The following EIF2B2 variants were observed in gnomAD, a reference collection of about 807,000 sequenced individuals.
EIF2B2 encodes eukaryotic translation initiation factor 2B subunit beta, also known as translation initiation factor eIF2B subunit beta.
A neutral mutation model predicts 34.7 loss-of-function variants in EIF2B2; 34 were observed. The observed-to-expected ratio is 0.98, with a 90% CI of 0.75 to 1.31. The LOEUF is 1.31. EIF2B2 is among the 50% of genes most tolerant of loss of function. EIF2B2 has a pLI of 0.00. For synonymous variants in EIF2B2, 155 were observed against 171.6 expected (o/e 0.90, Z 0.76); for missense variants, 361 against 447.7 (o/e 0.81, Z 1.75).
rs1273044752 is a variant in EIF2B2 at position 75,009,747 on chromosome 14, C to CTTT, written c.*560_*562dup. 7.4e-6 allele frequency: 1 copy of CTTT among 134,838 alleles called. No homozygotes were observed. Among genetic ancestry groups the CTTT allele is most frequent in the Admixed American group, 7.4e-5 (1 of 13,492 alleles). 8.4% of individuals were successfully genotyped at this position (134,838 alleles called of 1,614,324 possible). A position where few individuals can be genotyped will look rare whatever the true frequency, so the allele number is the denominator to read the frequency against. On this transcript the variant is annotated 3_prime_UTR_variant, in exon 8 of 8. Coordinates refer to ENST00000266126, the MANE Select transcript of EIF2B2 (RefSeq NM_014239.4). ...AGTGGCTCCCACTTGTAATCCTGGA[C>CTTT]TTTGGGAGGCTGAGGTGGGAGGCTT...
At position 75,003,572 on chromosome 14, in the gene EIF2B2, G is replaced by A. The variant is rs1889574793; in HGVS notation, c.306G>A (p.Glu102=). ...EYGRLHGRSD[E]SDQQESLHKL... ...ATAGACTCCATGGACGCAGCGACGA[G>A]AGTGATCAGCAGGAGTCCCTGCACA... is the stretch of plus-strand genomic sequence containing the variant. Residue 102 remains glutamate (E), a synonymous_variant, in exon 3 of 8, where the codon GAG becomes GAA. Coordinates refer to ENST00000266126, the MANE Select transcript of EIF2B2 (RefSeq NM_014239.4). The A allele has an allele frequency of 1.9e-6, 3 of 1,614,160 alleles. No individual in the cohort carries two copies. Among genetic ancestry groups the A allele is most frequent in the African/African-American group, 2.7e-5 (2 of 75,038 alleles).
At position 75,008,921 on chromosome 14, in the gene EIF2B2, G is replaced by A. The variant is rs948784270; in HGVS notation, c.899-110G>A. On this transcript the variant is annotated intron_variant, in intron 7 of 7. Coordinates refer to ENST00000266126, the MANE Select transcript of EIF2B2 (RefSeq NM_014239.4). ...GGTTTGCATTTTTCCATAGCTTCCC[G>A]TCCTTGGGGAGCTAATATGCCTGCA... The A allele has an allele frequency of 2.2e-5, 32 of 1,434,254 alleles. 1 individual carries two copies. The highest frequency in any genetic ancestry group is 1.3e-4 in the African/African-American group (9 of 71,230). The allele number at this position is 1,434,254 out of a possible 1,614,324, so 88.8% of individuals were successfully genotyped here.
In EIF2B2 at chr14:75,006,321, G is replaced by A; in HGVS notation, c.694-256G>A. ...GATTCCTGGCTTCTCAGAAGGTATG[G>A]CATCTCAATTTCCAGAAAATATGGG... On this transcript the variant is annotated intron_variant, in intron 5 of 7. Transcript: ENST00000266126. This position sits in a 1 kb window ranked among gnomAD's most constrained non-coding sequence, Gnocchi z 4.1. 1 of 581,980 alleles carries A rather than the reference G, an allele frequency of 1.7e-6. No homozygotes were observed. Among genetic ancestry groups the A allele is most frequent in the Non-Finnish European group, 3.0e-6 (1 of 330,340 alleles). The allele number at this position is 581,980 out of a possible 1,614,324, so 36.1% of individuals were successfully genotyped here. A position where few individuals can be genotyped will look rare whatever the true frequency, so the allele number is the denominator to read the frequency against.
Position 75,004,879 on chromosome 14 carries a change from A to G in EIF2B2, c.576A>G (p.Ala192=), listed in dbSNP as rs1195032774. 1 of 1,612,176 alleles carries G rather than the reference A, an allele frequency of 6.2e-7. No individual in the cohort carries two copies. Among genetic ancestry groups the G allele is most frequent in the African/African-American group, 1.3e-5 (1 of 74,622 alleles). ...AGAGGAAATTCCATGTCATTGTAGC[A>G]GAGTGTGCTCCTTTCTGCCAGGTAA... ...ARKRKFHVIV[A]ECAPFCQGHE... is the part of the protein sequence containing the mutation. Residue 192 remains alanine (A), a synonymous_variant, in exon 4 of 8, where the codon GCA becomes GCG. Transcript: ENST00000266126.
chr14:75,011,730 C>T lies in EIF2B2; in HGVS notation c.*2542C>T, dbSNP rs1025306269. The T allele has an allele frequency of 6.6e-6, 1 of 152,208 alleles. No individual in the cohort carries two copies. The highest frequency in any genetic ancestry group is 1.5e-5 in the Non-Finnish European group (1 of 68,036). The allele number at this position is 152,208 out of a possible 1,614,324, so 9.4% of individuals were successfully genotyped here. The stretch of plus-strand genomic sequence containing the variant: ...ACCCCACGCTTTCTCAGTGAAGTGG[C>T]TTGTAGCTACCAATTACGAGCAATT... On this transcript the variant is annotated 3_prime_UTR_variant, in exon 8 of 8. Coordinates refer to ENST00000266126, the MANE Select transcript of EIF2B2 (RefSeq NM_014239.4).
chr14:75,004,973 C>A, intron 4 of EIF2B2, 73 bp downstream of exon 4: 2 of 1,487,342 alleles, frequency 1.3e-6, no homozygotes, highest in Non-Finnish European at 1.9e-6. Context: ...ATGGGTAGGG[C>A]CATTCCAACC....
intron 4 of EIF2B2, among the ~76,000 whole-genome samples, chr14:75,005,360 G>C (rs1889611949): frequency 6.6e-6 from 1 of 150,690 alleles, no homozygotes; most frequent in Admixed American, 6.6e-5. Flanking sequence ...CTGGACGACA[G>C]AGCAAGACTC....
chr14:75,009,178 A>G lies in EIF2B2; in HGVS notation c.1046A>G (p.His349Arg). The change falls in exon 8 of 8, where the codon CAT becomes CGT. Residue 349 changes from histidine to arginine, a missense_variant. By Grantham distance (29) the His-to-Arg change is conservative. Coordinates refer to ENST00000266126, the MANE Select transcript of EIF2B2 (RefSeq NM_014239.4). ...AGTGAACTCTACCATCCTGATGATCATGTTTTATGACCGACCACACGTGTC... is the reference window on the plus strand; with the variant it reads ...AGTGAACTCTACCATCCTGATGATCGTGTTTTATGACCGACCACACGTGTC... ...LMSELYHPDD[H>R]VL 1 of 1,614,042 alleles carries G rather than the reference A, an allele frequency of 6.2e-7. No homozygotes were observed. The highest frequency in any genetic ancestry group is 8.5e-7 in the Non-Finnish European group (1 of 1,179,982).
At chr14:75,004,270 TC>T (rs1219949782) in intron 3 of EIF2B2, among the ~76,000 whole-genome samples, 2 of 152,188 alleles carry the variant, frequency 1.3e-5, no homozygotes, top group Admixed American at 1.3e-4. Flanking sequence ...AGATTGCCAT[TC>T]CTTGGCTGAA....
chr14:75,003,213 T>C, intron 1 of EIF2B2, 60 bp downstream of exon 1: 1 of 1,613,374 alleles, frequency 6.2e-7, no homozygotes, highest in Non-Finnish European at 8.5e-7. Context: ...ATCCCAGGGC[T>C]GAAAATTTCC....
rs1319594067 is a variant in EIF2B2, at chr14:75,011,255, A to G, written c.*2067A>G. 1.3e-5 allele frequency: 2 copies of G among 152,180 alleles called. No homozygotes were observed. Among genetic ancestry groups the G allele is most frequent in the African/African-American group, 4.8e-5 (2 of 41,440 alleles). 9.4% of individuals were successfully genotyped at this position (152,180 alleles called of 1,614,324 possible). A position where few individuals can be genotyped will look rare whatever the true frequency, so the allele number is the denominator to read the frequency against. On this transcript the variant is annotated 3_prime_UTR_variant, in exon 8 of 8. Transcript: ENST00000266126. The stretch of plus-strand genomic sequence containing the variant: ...GGAAACAGTATAGAAGTATAATACC[A>G]AGCACAGCAAGCAGAGGGACATCCT...
At chr14:75,004,962 G>A (rs1889606530) in intron 4 of EIF2B2, 62 bp downstream of exon 4, 1 of 1,563,006 alleles carries the variant, frequency 6.4e-7, no homozygotes, top group South Asian at 1.1e-5. Context: ...ATAAACGAGA[G>A]ATGGGTAGGG....
chr14:75,008,028 G>A (rs117759630), intron 7 of EIF2B2, among the ~76,000 whole-genome samples: 2 of 152,286 alleles, frequency 1.3e-5, no homozygotes, highest in East Asian at 1.9e-4. Flanking sequence ...TGGGGCTATT[G>A]TGGGTTGGAT....
At chr14:75,007,202 A>T in intron 6 of EIF2B2, 3 of 412,822 alleles carry the variant, frequency 7.3e-6, no homozygotes, top group South Asian at 5.3e-5. Context: ...CATAACATAC[A>T]ATTAACCATT....
rs369801821 is a variant in EIF2B2 at position 75,011,964 on chromosome 14, A to G, written c.*2776A>G. 13 of 152,356 alleles carry G rather than the reference A, an allele frequency of 8.5e-5. No individual in the cohort carries two copies. The East Asian group carries it at 1.9e-3, about 23-fold the overall frequency. The allele number at this position is 152,356 out of a possible 1,614,324, so 9.4% of individuals were successfully genotyped here. On this transcript the variant is annotated 3_prime_UTR_variant, in exon 8 of 8. Coordinates refer to ENST00000266126, the MANE Select transcript of EIF2B2 (RefSeq NM_014239.4). ...CATGACTGAGTTGGATGAAGGTTAT[A>G]AGGGTAGAAGCTCTCTTTCTGGTCA...
Position 75,009,342 on chromosome 14 carries a change from A to G in EIF2B2, c.*154A>G. 1 of 853,242 alleles carries G rather than the reference A, an allele frequency of 1.2e-6. No homozygotes were observed. Among genetic ancestry groups the G allele is most frequent in the Non-Finnish European group, 1.9e-6 (1 of 518,790 alleles). The allele number at this position is 853,242 out of a possible 1,614,324, so 52.9% of individuals were successfully genotyped here. On this transcript the variant is annotated 3_prime_UTR_variant, in exon 8 of 8. Coordinates refer to ENST00000266126, the MANE Select transcript of EIF2B2 (RefSeq NM_014239.4). ...GATACTGTTGCCTGCCTTTTTAGTC[A>G]CCCCGTAACAAGGGCACACATCCAG...
chr14:75,009,228 C>T lies in EIF2B2; in HGVS notation c.*40C>T. On this transcript the variant is annotated 3_prime_UTR_variant, in exon 8 of 8. Coordinates refer to ENST00000266126, the MANE Select transcript of EIF2B2 (RefSeq NM_014239.4). ...CCTAAGCAGATTGCTTAGGCAGATACAGAATGAAGAGGAGACTTGAGTGTT... is the reference window on the plus strand; with the variant it reads ...CCTAAGCAGATTGCTTAGGCAGATATAGAATGAAGAGGAGACTTGAGTGTT... The T allele has an allele frequency of 6.2e-7, 1 of 1,611,642 alleles. No homozygotes were observed. Among genetic ancestry groups the T allele is most frequent in the Middle Eastern group, 1.7e-4 (1 of 6,054 alleles).
Position 75,004,786 on chromosome 14 carries a change from C to G in EIF2B2, c.483C>G (p.Ser161=). 6.3e-7 allele frequency: 1 copy of G among 1,593,816 alleles called. No homozygotes were observed. Among genetic ancestry groups the G allele is most frequent in the Non-Finnish European group, 8.5e-7 (1 of 1,171,796 alleles). ...IAAQALEHIH[S]NEVIMTIGFS... The stretch of plus-strand genomic sequence containing the variant: ...CCCAGGCTCTGGAGCACATTCACTC[C>G]AATGAGGTGATCATGACCATTGGCT... Residue 161 remains serine (S), a synonymous_variant, in exon 4 of 8, where the codon TCC becomes TCG. Coordinates refer to ENST00000266126, the MANE Select transcript of EIF2B2 (RefSeq NM_014239.4).
Position 75,006,794 on chromosome 14 carries a change from C to T in EIF2B2, c.831+80C>T, listed in dbSNP as rs930293377. The T allele has an allele frequency of 1.1e-5, 17 of 1,581,768 alleles. No individual in the cohort carries two copies. Among genetic ancestry groups the T allele is most frequent in the Non-Finnish European group, 1.4e-5 (16 of 1,156,478 alleles). Reference sequence around the variant, plus strand: ...TAGGCTTGAACTCTGGGACTTCAACCACCTCACTCCAGGGCCTCCATTTAT... The same window carrying T: ...TAGGCTTGAACTCTGGGACTTCAACTACCTCACTCCAGGGCCTCCATTTAT... On this transcript the variant is annotated intron_variant, in intron 6 of 7. Coordinates refer to ENST00000266126, the MANE Select transcript of EIF2B2 (RefSeq NM_014239.4). The surrounding 1 kb of genome is among the most constrained non-coding windows in gnomAD (Gnocchi z 4.1).
Sources: gnomAD v4.1 joint callset for allele counts (sites outside exome capture counted in the v4.1 genomes callset) on GRCh38, gnomAD v4.1.1 for gene constraint, Gnocchi (gnomAD v3.1) non-coding constraint, MANE v1.5 for transcripts, NCBI Gene and HGNC (gene_info 2026-07-23, HGNC 2026-07-21) for gene names.